Variants in PRMT2 observed in about 807,000 individuals in gnomAD.
PRMT2 encodes the protein protein arginine methyltransferase 2.
In PRMT2, 26 loss-of-function variants were observed where a neutral mutation model predicts 57.6. The observed-to-expected ratio is 0.45, with a 90% CI of 0.33 to 0.63. The LOEUF (loss-of-function observed/expected upper bound fraction) is 0.63, where lower values mean the gene tolerates loss of function less well. PRMT2 is among the 20% of genes least tolerant of loss of function. The pLI, the probability that PRMT2 is intolerant of heterozygous loss-of-function variation, is 0.02. For missense variants in PRMT2, 472 were observed against 564.4 expected (o/e 0.84, Z 1.66); for synonymous variants, 219 against 220.0 (o/e 1.00, Z 0.04).
intron 7 of PRMT2, chr21:46,657,360 G>A (rs1401205507): frequency 7.0e-6 from 1 of 142,196 alleles, no homozygotes; most frequent in Admixed American, 7.1e-5. Context: ...GATTATACTA[G>A]CTCTCTTTAT....
intron 3 of PRMT2, among the ~76,000 whole-genome samples, chr21:46,641,670 C>T (rs756735980): frequency 9.2e-5 from 14 of 151,636 alleles, no homozygotes; most frequent in African/African-American, 1.5e-4. Context: ...CCAGCCTAGG[C>T]GACAGAGCGA....
intron 3 of PRMT2, among the ~76,000 whole-genome samples, chr21:46,638,803 G>A (rs971082816): frequency 6.6e-6 from 1 of 152,008 alleles, no homozygotes; most frequent in African/African-American, 2.4e-5. Flanking sequence ...TTTCACACTT[G>A]ATCAATCTTT....
rs921897184 is a variant in PRMT2, at chr21:46,640,566, C to T, written c.40-2969C>T. Among the ~76,000 whole-genome samples the T allele has an allele frequency of 5.9e-5, 9 of 151,800 alleles. No individual in the cohort carries two copies. In the East Asian group the frequency reaches 7.7e-4, roughly 13 times the overall value. The stretch of plus-strand genomic sequence containing the variant: ...ACACCATTCTCCTGCCTCAGCCTCC[C>T]GAGTAGCTGGGACTACAGGTGACCA... On this transcript the variant is annotated intron_variant, in intron 3 of 11. Coordinates refer to ENST00000355680, the MANE Select transcript of PRMT2 (RefSeq NM_206962.4).
chr21:46,664,210 G>A, intron 11 of PRMT2, 85 bp from the exon 12 acceptor site: 2 of 1,221,174 alleles, frequency 1.6e-6, no homozygotes, highest in Middle Eastern at 1.9e-4. Context: ...CTGTTCTCTT[G>A]TCCAATATTA....
rs895393269 is a variant in PRMT2 at position 46,661,093 on chromosome 21, G to A, written c.960+131G>A. On this transcript the variant is annotated intron_variant, in intron 9 of 11. Transcript: ENST00000355680. ...AGTGAATAACTAATTATTTTATTAT[G>A]CAAATAAGTGAATTTATAAAACGTT... is the stretch of plus-strand genomic sequence containing the variant. The A allele has an allele frequency of 1.7e-5, 15 of 897,660 alleles. No individual in the cohort carries two copies. The South Asian group carries it at 3.7e-4, about 22-fold the overall frequency. The allele number at this position is 897,660 out of a possible 1,614,324, so 55.6% of individuals were successfully genotyped here. A position where few individuals can be genotyped will look rare whatever the true frequency, so the allele number is the denominator to read the frequency against.
At chr21:46,657,558 G>C (rs1276724397) in intron 7 of PRMT2, 1 of 152,188 alleles carries the variant, frequency 6.6e-6, no homozygotes, top group African/African-American at 2.4e-5. Context: ...AACTTGTCTT[G>C]AAAGGTTATG....
chr21:46,648,721 C>A lies in PRMT2; in HGVS notation c.489+102C>A. On this transcript the variant is annotated intron_variant, in intron 6 of 11. Transcript: ENST00000355680. This position sits in a 1 kb window ranked among gnomAD's most constrained non-coding sequence, Gnocchi z 4.8. ...ACTTGTGACCCTGAGCTGTTGGGGG[C>A]TCACCGGTGACTCCATGGTCTTGTT... is the stretch of plus-strand genomic sequence containing the variant. 2 of 1,434,672 alleles carry A rather than the reference C, an allele frequency of 1.4e-6. No individual in the cohort carries two copies. The highest frequency in any genetic ancestry group is 1.3e-5 in the South Asian group (1 of 79,168). The allele number at this position is 1,434,672 out of a possible 1,614,324, so 88.9% of individuals were successfully genotyped here. A position where few individuals can be genotyped will look rare whatever the true frequency, so the allele number is the denominator to read the frequency against.
At chr21:46,657,600 A>T (rs2061560060) in intron 7 of PRMT2, 1 of 152,216 alleles carries the variant, frequency 6.6e-6, no homozygotes, top group Admixed American at 6.5e-5. Context: ...TGATATTCTC[A>T]AAAAGACACA....
rs10854485 is a variant in PRMT2, at chr21:46,643,564, C to G, written c.69C>G (p.Ala23=). The part of the protein sequence containing the change: ...QGEEPAECSE[A]GLLQEGVQPE... Reference sequence around the variant, plus strand: ...AAGAGCCTGCTGAGTGCAGTGAGGCCGGTCTCCTGCAGGAGGGAGTACAGC... The same window carrying G: ...AAGAGCCTGCTGAGTGCAGTGAGGCGGGTCTCCTGCAGGAGGGAGTACAGC... The change falls in exon 4 of 12, where the codon GCC becomes GCG. Residue 23 remains alanine (A), a synonymous_variant. Coordinates refer to ENST00000355680, the MANE Select transcript of PRMT2 (RefSeq NM_206962.4). 1,281,801 of 1,606,452 alleles carry G rather than the reference C, an allele frequency of 0.8. 512,588 individuals are homozygous for G. Among genetic ancestry groups the G allele is most frequent in the East Asian group, 0.9 (39,881 of 44,276 alleles).
intron 7 of PRMT2, chr21:46,652,872 G>T (rs1260399381): frequency 1.5e-6 from 2 of 1,302,132 alleles, no homozygotes; most frequent in African/African-American, 3.0e-5. Context: ...TTGTTCTCCT[G>T]AGGCCACGCC....
At chr21:46,657,428 T>C (rs966915774) in intron 7 of PRMT2, 1 of 150,284 alleles carries the variant, frequency 6.7e-6, no homozygotes, top group Admixed American at 6.6e-5. Flanking sequence ...TTCATCTGGA[T>C]AATCCTTAAG....
chr21:46,638,931 G>T (rs757021504), intron 3 of PRMT2, among the ~76,000 whole-genome samples: 2 of 151,742 alleles, frequency 1.3e-5, no homozygotes, highest in African/African-American at 2.4e-5. Flanking sequence ...TTGTATTTGG[G>T]TTAATTTTTA....
Position 46,663,514 on chromosome 21 carries a change from G to C in PRMT2, c.1229G>C (p.Ser410Thr). 6.2e-7 allele frequency: 1 copy of C among 1,614,192 alleles called. No homozygotes were observed. Among genetic ancestry groups the C allele is most frequent in the Non-Finnish European group, 8.5e-7 (1 of 1,180,016 alleles). The change falls in exon 11 of 12, where the codon AGC becomes ACC. Residue 410 changes from serine (S) to threonine (T), a missense_variant. Ser to Thr is a moderately conservative substitution (Grantham distance 58). Transcript: ENST00000355680. ...VWRRHMSVAL[S>T]WAVTSRQDPT... is the part of the protein sequence containing the mutation. The stretch of plus-strand genomic sequence containing the variant: ...AGAAGGCACATGTCTGTGGCTCTGA[G>C]CTGGGCTGTCACTTCCAGACAAGAC...
chr21:46,653,803 A>G, intron 7 of PRMT2: 1 of 1,072,458 alleles, frequency 9.3e-7, no homozygotes, highest in South Asian at 2.7e-5. Flanking sequence ...TTCAGGAAAC[A>G]TTGCCACCAC....
intron 7 of PRMT2, chr21:46,656,948 A>G (rs1425488459): frequency 6.6e-6 from 1 of 152,228 alleles, no homozygotes; most frequent in African/African-American, 2.4e-5. Context: ...TATACAGAGA[A>G]ATCTCAAAAC....
In PRMT2 at chr21:46,660,957, C is replaced by G. The variant is rs773529523; in HGVS notation, c.955C>G (p.Leu319Val). The G allele has an allele frequency of 8.7e-6, 14 of 1,611,930 alleles. No individual in the cohort carries two copies. The highest frequency in any genetic ancestry group is 5.0e-5 in the Admixed American group (3 of 59,732). ...CATGAGAACCGTGCAAATTTCTGAT[C>G]TAGAGGTGAGAAAAAGATGAATTGC... ...LDMRTVQISD[L>V]ETLRGELRFD... Residue 319 changes from leucine to valine, a missense_variant, in exon 9 of 12, where the codon CTA (leucine) becomes GTA (valine). Coordinates refer to ENST00000355680, the MANE Select transcript of PRMT2 (RefSeq NM_206962.4).
chr21:46,636,084 C>G (rs2061165695), intron 1 of PRMT2: 1 of 153,004 alleles, frequency 6.5e-6, no homozygotes, highest in African/African-American at 2.4e-5. Flanking sequence ...GCCCCTGCCC[C>G]GAAGCTCGCG....
At chr21:46,654,570 G>C (rs888579722) in intron 7 of PRMT2, among the ~76,000 whole-genome samples, 2 of 152,200 alleles carry the variant, frequency 1.3e-5, no homozygotes, top group African/African-American at 4.8e-5. Flanking sequence ...TCAAGTATCT[G>C]TGGGCTCCAC....
chr21:46,663,277 G>A, intron 10 of PRMT2, 106 bp from the exon 11 acceptor site: 1 of 1,122,356 alleles, frequency 8.9e-7, no homozygotes, highest in Admixed American at 2.6e-5. Flanking sequence ...GGCTGTGTGG[G>A]TGCTGTTGGG....
Sources: gnomAD v4.1 joint callset for allele counts (sites outside exome capture counted in the v4.1 genomes callset) on GRCh38, gnomAD v4.1.1 for gene constraint, Gnocchi (gnomAD v3.1) non-coding constraint, MANE v1.5 for transcripts, NCBI Gene and HGNC (gene_info 2026-07-23, HGNC 2026-07-21) for gene names.